The following INTS6 variants were observed in gnomAD, a reference collection of about 807,000 sequenced individuals.
INTS6 encodes integrator complex subunit 6.
Under a neutral mutation model 104.9 loss-of-function variants are expected in INTS6, and 16 were observed. The ratio of observed to expected loss-of-function variants is 0.15; its 90% CI spans 0.10 to 0.23. INTS6 has a LOEUF of 0.23. INTS6 is among the 10% of genes least tolerant of loss of function. The probability of loss-of-function intolerance (pLI) is 1.00; values close to 1 mark genes in which losing one functional copy is unlikely to be tolerated. For missense variants in INTS6, 584 were observed against 1,062.8 expected, an observed-to-expected ratio of 0.55 and a Z score of 6.26; for synonymous variants, 324 against 358.7, an observed-to-expected ratio of 0.90 and a Z score of 1.09.
chr13:51,367,026 G>A (rs761217021), intron 17 of INTS6, among the ~76,000 whole-genome samples: 1 of 151,810 alleles, frequency 6.6e-6, no homozygotes, highest in African/African-American at 2.4e-5. Flanking sequence ...GTGATCCCTC[G>A]GTATGGATGG....
chr13:51,407,693 A>G (rs775150605), intron 4 of INTS6, among the ~76,000 whole-genome samples: 9 of 152,188 alleles, frequency 5.9e-5, no homozygotes, highest in Non-Finnish European at 1.3e-4. Context: ...TTAAAAAAAG[A>G]CTACAAAACT....
chr13:51,407,274 G>A (rs1407620545), intron 4 of INTS6, among the ~76,000 whole-genome samples: 1 of 152,104 alleles, frequency 6.6e-6, no homozygotes, highest in African/African-American at 2.4e-5. Flanking sequence ...AATAAATATG[G>A]CTGAATGAAT....
chr13:51,386,701 A>G (rs538522333), intron 7 of INTS6, among the ~76,000 whole-genome samples: 2 of 152,272 alleles, frequency 1.3e-5, no homozygotes, highest in Admixed American at 6.5e-5. Context: ...TAAAGGTAAA[A>G]TCAAGGAGAA....
chr13:51,404,382 G>C (rs1566228763), intron 4 of INTS6, among the ~76,000 whole-genome samples: 1 of 151,536 alleles, frequency 6.6e-6, no homozygotes, highest in African/African-American at 2.4e-5. Context: ...ACGAGTCACA[G>C]AACCAGTCTT....
chr13:51,452,068 A>G lies in INTS6; in HGVS notation c.112-13T>C. ...CCCGGGCACGGAGCTGCGGGACGGGAGGAGGAACAGGGCGGGCGACAGGGA... is the reference window on the plus strand; with the variant it reads ...CCCGGGCACGGAGCTGCGGGACGGGGGGAGGAACAGGGCGGGCGACAGGGA... On this transcript the variant is annotated splice_polypyrimidine_tract_variant and intron_variant, in intron 1 of 17. Coordinates refer to ENST00000311234, the MANE Select transcript of INTS6 (RefSeq NM_012141.3). The surrounding 1 kb of genome is among the most constrained non-coding windows in gnomAD (Gnocchi z 4.2). 6.2e-7 allele frequency: 1 copy of G among 1,607,458 alleles called. No individual in the cohort carries two copies. The highest frequency in any genetic ancestry group is 8.5e-7 in the Non-Finnish European group (1 of 1,176,768).
At chr13:51,341,019 C>A in the INTS6 span, 1 of 1,546,674 alleles carries the variant, frequency 6.5e-7, no homozygotes, top group South Asian at 1.2e-5. Context: ...TGGGACATGG[C>A]CCTCTTTCAT....
chr13:51,368,719 T>C (rs1456064502), intron 16 of INTS6, among the ~76,000 whole-genome samples: 2 of 152,196 alleles, frequency 1.3e-5, no homozygotes, highest in African/African-American at 4.8e-5. Flanking sequence ...AGTGTTGCTC[T>C]GCTCTCAGTC....
chr13:51,418,741 A>G (rs1956840628), intron 4 of INTS6, among the ~76,000 whole-genome samples: 1 of 152,216 alleles, frequency 6.6e-6, no homozygotes. Flanking sequence ...CAATCACTTG[A>G]CAACCTGCAA....
chr13:51,379,453 T>G lies in INTS6; in HGVS notation c.1386+9A>C. 3.4e-5 allele frequency: 52 copies of G among 1,521,780 alleles called. No homozygotes were observed. Among genetic ancestry groups the G allele is most frequent in the Non-Finnish European group, 4.3e-5 (48 of 1,108,880 alleles). 94.3% of individuals were successfully genotyped at this position (1,521,780 alleles called of 1,614,324 possible). On this transcript the variant is annotated intron_variant, in intron 11 of 17. Transcript: ENST00000311234. Reference sequence around the variant, plus strand: ...ATACTTAATGGCTCACTCTATTTCTTGATATTACCTGTTGACTCAGTTTTT... The same window carrying G: ...ATACTTAATGGCTCACTCTATTTCTGGATATTACCTGTTGACTCAGTTTTT...
chr13:51,438,469 C>G (rs1268922714), intron 3 of INTS6: 1 of 152,044 alleles, frequency 6.6e-6, no homozygotes, highest in Non-Finnish European at 1.5e-5. Flanking sequence ...GCACAGATTG[C>G]TACATGTTTT....
the INTS6 span, chr13:51,339,563 A>G: frequency 6.6e-6 from 1 of 152,346 alleles, no homozygotes. Context: ...AGGCTCCAGG[A>G]ATTTGGACCG....
intron 4 of INTS6, among the ~76,000 whole-genome samples, chr13:51,417,129 C>T (rs996772099): frequency 6.6e-6 from 1 of 152,154 alleles, no homozygotes; most frequent in South Asian, 2.1e-4. Flanking sequence ...ATGCCCTTCA[C>T]AGATAAATGA....
At chr13:51,355,728 T>G (rs1254454791) in intron 3 of INTS6, among the ~76,000 whole-genome samples, 1 of 152,188 alleles carries the variant, frequency 6.6e-6, no homozygotes, top group Non-Finnish European at 1.5e-5. Context: ...GCTGTTTGCT[T>G]ATGGTATTAT....
chr13:51,404,008 A>G (rs1238509626), intron 4 of INTS6, among the ~76,000 whole-genome samples: 3 of 151,142 alleles, frequency 2.0e-5, no homozygotes, highest in African/African-American at 7.3e-5. Flanking sequence ...GGATTGCATG[A>G]GGCCAGGAGT....
intron 9 of INTS6, 75 bp from the exon 10 acceptor site, chr13:51,382,198 C>A: frequency 1.3e-6 from 1 of 788,514 alleles, no homozygotes; most frequent in Non-Finnish European, 2.0e-6. Context: ...AAGACGTTTC[C>A]TTTTTAAAGT....
rs1380409935 is a variant in INTS6, at chr13:51,453,025, C to T, written c.-500G>A. On this transcript the variant is annotated 5_prime_UTR_variant, in exon 1 of 18. Transcript: ENST00000311234. Reference sequence around the variant, plus strand: ...GTGTCACCACTTTCTCAGCCCCTCTCGCTACTGAAGCGCTTTTCTCTCTCA... The same window carrying T: ...GTGTCACCACTTTCTCAGCCCCTCTTGCTACTGAAGCGCTTTTCTCTCTCA... 3.0e-6 allele frequency: 3 copies of T among 1,011,186 alleles called. No individual in the cohort carries two copies. The highest frequency in any genetic ancestry group is 1.7e-5 in the African/African-American group (1 of 57,348). 62.6% of individuals were successfully genotyped at this position (1,011,186 alleles called of 1,614,324 possible).
At chr13:51,355,188 G>A (rs1955460997) in intron 3 of INTS6, 2 of 964,460 alleles carry the variant, frequency 2.1e-6, no homozygotes, top group East Asian at 5.3e-5. Context: ...TGTATTTGGG[G>A]CAGTTTTATC....
intron 15 of INTS6, among the ~76,000 whole-genome samples, chr13:51,373,064 GA>G (rs1426128027): frequency 3.3e-5 from 5 of 151,726 alleles, no homozygotes; most frequent in African/African-American, 1.2e-4. Context: ...TTTTTTCCAG[GA>G]AAAAAACCCA....
Position 51,362,977 on chromosome 13 carries a change from C to T in INTS6, c.*2775G>A, listed in dbSNP as rs1169404111. 2.0e-5 allele frequency: 3 copies of T among 151,996 alleles called. No homozygotes were observed. Among genetic ancestry groups the T allele is most frequent in the African/African-American group, 7.2e-5 (3 of 41,392 alleles). The allele number at this position is 151,996 out of a possible 1,614,324, so 9.4% of individuals were successfully genotyped here. A position where few individuals can be genotyped will look rare whatever the true frequency, so the allele number is the denominator to read the frequency against. The stretch of plus-strand genomic sequence containing the variant: ...ACATAACGATTAGATGAAAATATCA[C>T]TTATCACCCAGAACAGGCGGCAGAG... On this transcript the variant is annotated 3_prime_UTR_variant, in exon 18 of 18. Transcript: ENST00000311234.
Sources: gnomAD v4.1 joint callset for allele counts (sites outside exome capture counted in the v4.1 genomes callset) on GRCh38, gnomAD v4.1.1 for gene constraint, Gnocchi (gnomAD v3.1) non-coding constraint, MANE v1.5 for transcripts, NCBI Gene and HGNC (gene_info 2026-07-23, HGNC 2026-07-21) for gene names.